The following CTNNA3 variants were observed in gnomAD, a reference collection of about 807,000 sequenced individuals.
CTNNA3 encodes catenin alpha-3.
CTNNA3 carries 76 observed loss-of-function variants against 95.7 expected under a neutral mutation model. The ratio of observed to expected loss-of-function variants is 0.79; its 90% CI spans 0.66 to 0.96. The LOEUF is 0.96. Among genes scored for constraint, CTNNA3 ranks in the 40% least tolerant of loss-of-function variants. The pLI is 0.00. For missense variants in CTNNA3, 1,191 were observed against 1,089.8 expected (o/e 1.09, Z -1.31); for synonymous variants, 431 against 374.4 (o/e 1.15, Z -1.74).
chr10:67,049,803 T>C (rs991059652), intron 7 of CTNNA3, among the ~76,000 whole-genome samples: 2 of 152,144 alleles, frequency 1.3e-5, no homozygotes, highest in African/African-American at 4.8e-5. Context: ...GGTCAAAGAT[T>C]AAATGTAGGT....
At chr10:66,432,770 C>A (rs961612578) in intron 11 of CTNNA3, among the ~76,000 whole-genome samples, 1 of 152,026 alleles carries the variant, frequency 6.6e-6, no homozygotes, top group Admixed American at 6.6e-5. Flanking sequence ...TCATCATCTA[C>A]ATCAGGTATT....
chr10:67,401,870 A>G (rs1225541121), intron 5 of CTNNA3, among the ~76,000 whole-genome samples: 2 of 152,238 alleles, frequency 1.3e-5, no homozygotes, highest in Non-Finnish European at 2.9e-5. Flanking sequence ...AACCAAGAGT[A>G]AGAATTCTGC....
intron 12 of CTNNA3, among the ~76,000 whole-genome samples, chr10:66,325,421 G>A (rs1217758255): frequency 6.6e-6 from 1 of 152,032 alleles, no homozygotes; most frequent in South Asian, 2.1e-4. Flanking sequence ...GCTTCTTTTT[G>A]TTGTAGAGCC....
At chr10:67,099,988 G>A (rs1010945834) in intron 7 of CTNNA3, among the ~76,000 whole-genome samples, 4 of 151,690 alleles carry the variant, frequency 2.6e-5, no homozygotes, top group African/African-American at 9.7e-5. Context: ...TCATTTGCAA[G>A]TTTTCTCATT....
chr10:67,521,168 T>G (rs898824842), intron 5 of CTNNA3, among the ~76,000 whole-genome samples: 20 of 152,006 alleles, frequency 1.3e-4, no homozygotes, highest in Non-Finnish European at 2.5e-4. Context: ...CTAGGAAGAG[T>G]AGTGAGCTAC....
At chr10:67,714,191 G>T (rs1042531414) in intron 1 of CTNNA3, among the ~76,000 whole-genome samples, 1 of 152,172 alleles carries the variant, frequency 6.6e-6, no homozygotes, top group African/African-American at 2.4e-5. Flanking sequence ...CCCCAGAATG[G>T]TAGATCCACC....
At chr10:66,942,385 T>C (rs1848043084) in intron 7 of CTNNA3, among the ~76,000 whole-genome samples, 1 of 152,222 alleles carries the variant, frequency 6.6e-6, no homozygotes, top group East Asian at 1.9e-4. Context: ...CTTGCTCTAT[T>C]AAGTATTCTT....
Position 66,909,186 on chromosome 10 carries a change from C to T in CTNNA3, c.1048-133662G>A, listed in dbSNP as rs142146586. On this transcript the variant is annotated intron_variant, in intron 7 of 17. Coordinates refer to ENST00000433211, the MANE Select transcript of CTNNA3 (RefSeq NM_013266.4). ...GAATTGTCCCCAAATTGCCCCTGTA[C>T]ATGTTGACAAACACCCCAAATCAGG... Among the ~76,000 whole-genome samples, 19 of 152,236 alleles carry T rather than the reference C, an allele frequency of 1.2e-4. No individual in the cohort carries two copies. The East Asian group carries it at 3.7e-3, about 29-fold the overall frequency.
rs76737066 is a variant in CTNNA3, at chr10:66,520,702, G to A, written c.1446C>T (p.Tyr482=). 2.5e-6 allele frequency: 4 copies of A among 1,611,956 alleles called. No homozygotes were observed. The African/African-American group carries it at 4.0e-5, about 16-fold the overall frequency. The change falls in exon 11 of 18, where the codon TAC becomes TAT. Residue 482 remains tyrosine (Y), a synonymous_variant. Coordinates refer to ENST00000433211, the MANE Select transcript of CTNNA3 (RefSeq NM_013266.4). Reference sequence around the variant, plus strand: ...GTATATGATTCTCCCATGTACGCTTGTACATTTCCATGGTGTTTTTGACCG... The same window carrying A: ...GTATATGATTCTCCCATGTACGCTTATACATTTCCATGGTGTTTTTGACCG... ...SQAVKNTMEM[Y]KRTWENHIHV...
chr10:67,743,184 G>A (rs1302694980), intron 1 of CTNNA3, among the ~76,000 whole-genome samples: 2 of 151,142 alleles, frequency 1.3e-5, no homozygotes, highest in East Asian at 1.9e-4. Flanking sequence ...CCAAAGCCTG[G>A]CAGAGACACA....
intron 5 of CTNNA3, among the ~76,000 whole-genome samples, chr10:67,408,505 A>C (rs1845234533): frequency 6.6e-6 from 1 of 152,190 alleles, no homozygotes; most frequent in African/African-American, 2.4e-5. Flanking sequence ...CTATTTAATA[A>C]ATGGTTCTGG....
intron 7 of CTNNA3, among the ~76,000 whole-genome samples, chr10:66,790,423 C>A (rs1201902536): frequency 6.6e-6 from 1 of 152,120 alleles, no homozygotes; most frequent in Non-Finnish European, 1.5e-5. Flanking sequence ...CACCACTGCA[C>A]TCCAGTCTGG....
chr10:67,483,256 C>A (rs1012872486), intron 5 of CTNNA3, among the ~76,000 whole-genome samples: 1 of 150,680 alleles, frequency 6.6e-6, no homozygotes, highest in Non-Finnish European at 1.5e-5. Flanking sequence ...ACCCAGCCAT[C>A]CCATTACTGG....
chr10:66,699,029 A>G (rs1847856784), intron 9 of CTNNA3, among the ~76,000 whole-genome samples: 1 of 152,322 alleles, frequency 6.6e-6, no homozygotes, highest in South Asian at 2.1e-4. Flanking sequence ...GTGTATGTCT[A>G]TATATATGTA....
intron 9 of CTNNA3, among the ~76,000 whole-genome samples, chr10:66,752,912 A>G (rs1839209060): frequency 6.6e-6 from 1 of 152,092 alleles, no homozygotes; most frequent in African/African-American, 2.4e-5. Context: ...CTAATCTGCC[A>G]TGTGACTCCT....
At chr10:66,940,056 G>A (rs1351467677) in intron 7 of CTNNA3, among the ~76,000 whole-genome samples, 1 of 152,040 alleles carries the variant, frequency 6.6e-6, no homozygotes, top group Non-Finnish European at 1.5e-5. Context: ...AGTAAAATAA[G>A]TAGTTAGGTT....
chr10:66,679,163 C>G (rs1364795555), intron 9 of CTNNA3, among the ~76,000 whole-genome samples: 5 of 152,046 alleles, frequency 3.3e-5, no homozygotes. Context: ...AATGAGAAAT[C>G]ATGAAATCCT....
chr10:67,672,686 T>C (rs1840460706), intron 1 of CTNNA3, among the ~76,000 whole-genome samples: 1 of 152,194 alleles, frequency 6.6e-6, no homozygotes, highest in Non-Finnish European at 1.5e-5. Flanking sequence ...GAGGCATTAT[T>C]TCTGAGGGCT....
At chr10:67,620,923 G>GTATATATATATATATATATA (rs56300519) in intron 2 of CTNNA3, among the ~76,000 whole-genome samples, 11 of 123,842 alleles carry the variant, frequency 8.9e-5, no homozygotes, top group Non-Finnish European at 1.2e-4. Context: ...GTGTGTGTGT[G>GTATATATATATATATATATA]TATATATATA....
Sources: allele counts gnomAD v4.1 joint callset (sites outside exome capture counted in the v4.1 genomes callset), GRCh38; gene constraint gnomAD v4.1.1; transcripts MANE v1.5; gene names NCBI Gene and HGNC (gene_info 2026-07-23, HGNC 2026-07-21).